The following ME3 variants were observed in gnomAD, a reference collection of about 807,000 sequenced individuals.
The protein encoded by ME3 is NADP-dependent malic enzyme, mitochondrial.
In ME3, 48 loss-of-function variants were observed where a neutral mutation model predicts 68.9. The ratio of observed to expected loss-of-function variants is 0.70; its 90% CI spans 0.55 to 0.89. The LOEUF (loss-of-function observed/expected upper bound fraction) is 0.89, where lower values mean the gene tolerates loss of function less well. Among genes scored for constraint, ME3 ranks in the 40% least tolerant of loss-of-function variants. The probability of loss-of-function intolerance (pLI) is 0.00; values close to 1 mark genes in which losing one functional copy is unlikely to be tolerated. For missense variants in ME3, 675 were observed against 797.4 expected, an observed-to-expected ratio of 0.85 and a Z score of 1.85; for synonymous variants, 320 against 318.8, an observed-to-expected ratio of 1.00 and a Z score of -0.04.
At chr11:86,494,258 G>A (rs963091912) in intron 6 of ME3, among the ~76,000 whole-genome samples, 2 of 152,136 alleles carry the variant, frequency 1.3e-5, no homozygotes, top group African/African-American at 4.8e-5. Context: ...TTGATCCTGA[G>A]TGTCCATGGG....
chr11:86,440,318 T>C (rs944705260), downstream of ME3, among the ~76,000 whole-genome samples: 3 of 152,204 alleles, frequency 2.0e-5, no homozygotes, highest in Non-Finnish European at 4.4e-5. Flanking sequence ...ATATGGGCTC[T>C]GCTGAACATG....
At chr11:86,535,487 T>TTG (rs1955589736) in intron 4 of ME3, among the ~76,000 whole-genome samples, 1 of 152,204 alleles carries the variant, frequency 6.6e-6, no homozygotes, top group African/African-American at 2.4e-5. Context: ...ACTCTAGCTA[T>TTG]TGATTTCTCC....
At chr11:86,622,125 G>C (rs1358975695) in intron 2 of ME3, among the ~76,000 whole-genome samples, 1 of 151,976 alleles carries the variant, frequency 6.6e-6, no homozygotes, top group African/African-American at 2.4e-5. Context: ...ACTTGTGGAA[G>C]AATATGTGTG....
intron 2 of ME3, among the ~76,000 whole-genome samples, chr11:86,604,274 G>A (rs1961267158): frequency 1.3e-5 from 2 of 151,976 alleles, no homozygotes; most frequent in African/African-American, 2.4e-5. Context: ...AGCTGGAGGG[G>A]CAAAATGGGG....
chr11:86,479,949 A>C (rs1360276712), intron 7 of ME3, among the ~76,000 whole-genome samples: 1 of 151,678 alleles, frequency 6.6e-6, no homozygotes, highest in Non-Finnish European at 1.5e-5. Flanking sequence ...TGAGTAGCTG[A>C]GATTACAGGT....
chr11:86,638,949 A>G (rs914358780), intron 2 of ME3, among the ~76,000 whole-genome samples: 3 of 152,214 alleles, frequency 2.0e-5, no homozygotes, highest in Non-Finnish European at 4.4e-5. Flanking sequence ...GCCCCACCAG[A>G]AATCACTGTC....
At chr11:86,447,347 G>A in intron 11 of ME3, 140 bp from the exon 12 acceptor site, 1 of 1,169,366 alleles carries the variant, frequency 8.6e-7, no homozygotes, top group Non-Finnish European at 1.2e-6. Context: ...GACTGAAGGA[G>A]CAGAAGGGAA....
intron 4 of ME3, among the ~76,000 whole-genome samples, chr11:86,520,905 G>A (rs1954223811): frequency 1.3e-5 from 2 of 152,126 alleles, no homozygotes; most frequent in Admixed American, 1.3e-4. Flanking sequence ...TTCCTCAGTC[G>A]GTAAGATGAA....
At chr11:86,492,071 T>G (rs1174668946) in intron 6 of ME3, among the ~76,000 whole-genome samples, 1 of 152,244 alleles carries the variant, frequency 6.6e-6, no homozygotes, top group Non-Finnish European at 1.5e-5. Context: ...AAAGGGGCTC[T>G]AGGCTTTCAA....
At chr11:86,520,564 G>T (rs1258893832) in intron 4 of ME3, among the ~76,000 whole-genome samples, 1 of 152,142 alleles carries the variant, frequency 6.6e-6, no homozygotes, top group Non-Finnish European at 1.5e-5. Context: ...GAGTGCTAGA[G>T]AGCTGCAGAG....
At chr11:86,670,171 C>T (rs1374022350) in intron 2 of ME3, among the ~76,000 whole-genome samples, 1 of 152,172 alleles carries the variant, frequency 6.6e-6, no homozygotes, top group Admixed American at 6.5e-5. Flanking sequence ...CAGAAGGATT[C>T]GCTTTCTGAG....
At chr11:86,653,249 T>C (rs918415563) in intron 2 of ME3, among the ~76,000 whole-genome samples, 4 of 152,178 alleles carry the variant, frequency 2.6e-5, no homozygotes, top group Non-Finnish European at 4.4e-5. Context: ...GCAGACCTAA[T>C]AGATATCTAC....
At chr11:86,448,024 C>T in intron 11 of ME3, 126 bp downstream of exon 11, 1 of 651,614 alleles carries the variant, frequency 1.5e-6, no homozygotes, top group South Asian at 1.9e-5. Context: ...CATTGAATTG[C>T]ACATGGGATA....
chr11:86,490,832 G>C (rs1951959714), intron 6 of ME3, among the ~76,000 whole-genome samples: 2 of 152,150 alleles, frequency 1.3e-5, no homozygotes, highest in Non-Finnish European at 2.9e-5. Context: ...AGTGCATCAA[G>C]CAGCATAGAG....
chr11:86,518,705 T>G (rs765247393), intron 4 of ME3, among the ~76,000 whole-genome samples: 1 of 152,188 alleles, frequency 6.6e-6, no homozygotes, highest in African/African-American at 2.4e-5. Context: ...GGAGGTGATC[T>G]TCAGCTCTCC....
At chr11:86,555,677 G>A (rs952075086) in intron 4 of ME3, among the ~76,000 whole-genome samples, 1 of 152,148 alleles carries the variant, frequency 6.6e-6, no homozygotes, top group Non-Finnish European at 1.5e-5. Context: ...ATATTCAACC[G>A]AAATGCTGGC....
chr11:86,445,944 A>G (rs1949260984), intron 13 of ME3, among the ~76,000 whole-genome samples: 1 of 152,128 alleles, frequency 6.6e-6, no homozygotes. Flanking sequence ...TGTGGCTGGA[A>G]GAATCCATCA....
intron 1 of ME3, 168 bp from the exon 2 acceptor site, chr11:86,672,126 G>C (rs1175584112): frequency 1.8e-6 from 1 of 560,032 alleles, no homozygotes. Context: ...CCACCTGCTC[G>C]GCTCCGCGCG....
At chr11:86,658,974 A>T (rs1486237684) in intron 2 of ME3, among the ~76,000 whole-genome samples, 4 of 152,216 alleles carry the variant, frequency 2.6e-5, no homozygotes, top group African/African-American at 4.8e-5. Flanking sequence ...AAGTGATTTT[A>T]CCAGTCAAAA....
Sources: gnomAD v4.1 joint callset for allele counts (sites outside exome capture counted in the v4.1 genomes callset) on GRCh38, gnomAD v4.1.1 for gene constraint, MANE v1.5 for transcripts, NCBI Gene and HGNC (gene_info 2026-07-23, HGNC 2026-07-21) for gene names.